Variants in BANK1 observed in about 807,000 individuals in gnomAD.
The protein encoded by BANK1 is B cell scaffold protein with ankyrin repeats 1.
BANK1 carries 95 observed loss-of-function variants against 94.5 expected under a neutral mutation model. The ratio of observed to expected loss-of-function variants is 1.00; its 90% CI spans 0.85 to 1.19. The LOEUF is 1.19. Among genes scored for constraint, BANK1 ranks in the 50% most tolerant of loss-of-function variants. The pLI is 0.00. For synonymous variants in BANK1, 334 were observed against 308.4 expected, an observed-to-expected ratio of 1.08 and a Z score of -0.87; for missense variants, 987 against 932.2, an observed-to-expected ratio of 1.06 and a Z score of -0.77.
chr4:102,040,385 ATTGTT>A (rs1050658928), intron 10 of BANK1, among the ~76,000 whole-genome samples: 3 of 151,994 alleles, frequency 2.0e-5, no homozygotes, highest in Non-Finnish European at 2.9e-5. Context: ...AACCGCAAAA[ATTGTT>A]TTGTTTTGTC....
At chr4:101,964,533 G>C (rs139740948) in intron 7 of BANK1, among the ~76,000 whole-genome samples, 2 of 151,782 alleles carry the variant, frequency 1.3e-5, no homozygotes, top group Non-Finnish European at 2.9e-5. Context: ...GGTACATAAT[G>C]TTACTTTATA....
chr4:101,901,570 T>G (rs1391582866), intron 6 of BANK1, among the ~76,000 whole-genome samples: 2 of 152,086 alleles, frequency 1.3e-5, no homozygotes, highest in African/African-American at 4.8e-5. Context: ...TAGGACAAAT[T>G]ATGAACAAGT....
intron 1 of BANK1, among the ~76,000 whole-genome samples, chr4:101,827,577 T>C (rs1027783156): frequency 2.6e-5 from 4 of 152,064 alleles, no homozygotes; most frequent in African/African-American, 9.6e-5. Context: ...CATAATGCCC[T>C]CAGCATTTGG....
intron 1 of BANK1, among the ~76,000 whole-genome samples, chr4:101,824,074 T>A (rs540266833): frequency 6.6e-6 from 1 of 152,348 alleles, no homozygotes; most frequent in South Asian, 2.1e-4. Flanking sequence ...TGGGACTCTC[T>A]GGTTACTGTG....
intron 1 of BANK1, among the ~76,000 whole-genome samples, chr4:101,805,215 T>C (rs1370432224): frequency 6.6e-6 from 1 of 152,122 alleles, no homozygotes; most frequent in Non-Finnish European, 1.5e-5. Flanking sequence ...CTGTTAAGAG[T>C]CATCTAAGCA....
chr4:102,025,563 G>A, intron 9 of BANK1, 54 bp downstream of exon 9: 1 of 1,531,896 alleles, frequency 6.5e-7, no homozygotes, highest in Non-Finnish European at 8.9e-7. Context: ...TCTTTGACAG[G>A]CTTACATAGC....
intron 11 of BANK1, among the ~76,000 whole-genome samples, chr4:102,049,030 T>C (rs3113677): frequency 0.94 from 143,113 of 152,186 alleles, 67,451 homozygotes; most frequent in African/African-American, 0.99. Flanking sequence ...AAATTTCTAG[T>C]CAGAAAACTG....
At position 101,866,673 on chromosome 4, in the gene BANK1, C is replaced by CA. The variant is rs1359555323; in HGVS notation, c.764-3832_764-3831insA. ...AGCCATCCCATTACTGGGTATATAC[C>CA]CAAAGGACTATAAATCATGCTGCTA... On this transcript the variant is annotated intron_variant, in intron 4 of 16. Transcript: ENST00000322953. 2.8e-4 allele frequency among the ~76,000 whole-genome samples: 14 copies of CA among 49,448 alleles called. 4 individuals are homozygous for CA. Among genetic ancestry groups the CA allele is most frequent in the African/African-American group, 7.2e-4 (5 of 6,986 alleles). The allele number at this position is 49,448 out of a possible 152,430, so 32.4% of individuals were successfully genotyped here.
intron 1 of BANK1, among the ~76,000 whole-genome samples, chr4:101,828,177 C>G (rs1287717894): frequency 6.6e-6 from 1 of 151,268 alleles, no homozygotes. Context: ...TGAAATGTAC[C>G]TATCTTTAAT....
At chr4:101,930,169 A>G (rs548687988) in intron 7 of BANK1, among the ~76,000 whole-genome samples, 1 of 151,342 alleles carries the variant, frequency 6.6e-6, no homozygotes, top group Non-Finnish European at 1.5e-5. Flanking sequence ...ATTTTATGAG[A>G]GTGTGTGTTC....
chr4:102,051,938 G>A (rs1009530436), intron 11 of BANK1, among the ~76,000 whole-genome samples: 22 of 152,154 alleles, frequency 1.4e-4, no homozygotes, highest in Middle Eastern at 3.4e-3. Context: ...CGCCTCTATC[G>A]TGGCAGCTGC....
intron 11 of BANK1, among the ~76,000 whole-genome samples, chr4:102,051,870 G>GAAGT (rs955575835): frequency 7.9e-5 from 12 of 152,170 alleles, no homozygotes; most frequent in African/African-American, 2.7e-4. Flanking sequence ...GGAAGGTCAA[G>GAAGT]AAGTCTGTTA....
chr4:101,983,386 C>T (rs767951959), intron 7 of BANK1, among the ~76,000 whole-genome samples: 6 of 152,004 alleles, frequency 3.9e-5, no homozygotes, highest in East Asian at 1.9e-4. Context: ...GTCTTTACCA[C>T]GTAGTAGCTG....
Position 102,010,391 on chromosome 4 carries a change from CT to C in BANK1, c.1207-11105del, listed in dbSNP as rs1209533993. Among the ~76,000 whole-genome samples the C allele has an allele frequency of 4.4e-3, 576 of 130,430 alleles. 5 individuals are homozygous for C. In the East Asian group the frequency reaches 0.052, roughly 12 times the overall value. The allele number at this position is 130,430 out of a possible 152,430, so 85.6% of individuals were successfully genotyped here. A position where few individuals can be genotyped will look rare whatever the true frequency, so the allele number is the denominator to read the frequency against. On this transcript the variant is annotated intron_variant, in intron 7 of 16. Transcript: ENST00000322953. The stretch of plus-strand genomic sequence containing the variant: ...GACATTGCTTTAGTTTGATTAATTT[CT>C]TTTTTTTTTTTTTTTTTGGGACGGA...
chr4:102,025,416 C>G lies in BANK1; in HGVS notation c.1501C>G (p.Gln501Glu). ...IPGADPENNS[Q>E]EPLMSSRPPL... ...TGGTGCTGATCCAGAAAATAATTCA[C>G]AAGAGCCACTCATGAGCAGCAGACC... Residue 501 changes from glutamine (Q) to glutamate (E), a missense_variant, in exon 9 of 17, where the codon CAA becomes GAA. Gln to Glu is a conservative substitution (Grantham distance 29). Transcript: ENST00000322953. The G allele has an allele frequency of 6.2e-7, 1 of 1,614,080 alleles. No homozygotes were observed. The highest frequency in any genetic ancestry group is 8.5e-7 in the Non-Finnish European group (1 of 1,180,020).
At chr4:101,998,577 G>A (rs904670145) in intron 7 of BANK1, among the ~76,000 whole-genome samples, 2 of 152,132 alleles carry the variant, frequency 1.3e-5, no homozygotes, top group African/African-American at 2.4e-5. Context: ...CTAAGAACTT[G>A]TTTTATGAAT....
chr4:101,876,090 C>T (rs1360613673), intron 5 of BANK1, among the ~76,000 whole-genome samples: 2 of 152,138 alleles, frequency 1.3e-5, no homozygotes, highest in Non-Finnish European at 2.9e-5. Flanking sequence ...GGACACTGGT[C>T]AGAATAGGGA....
chr4:101,897,534 C>G (rs1722128947), intron 6 of BANK1, among the ~76,000 whole-genome samples: 1 of 151,948 alleles, frequency 6.6e-6, no homozygotes, highest in Admixed American at 6.6e-5. Flanking sequence ...TCTGGTTCAG[C>G]AGGGCTGGGG....
intron 9 of BANK1, among the ~76,000 whole-genome samples, chr4:102,029,692 C>T (rs1208811185): frequency 6.6e-6 from 1 of 151,518 alleles, no homozygotes. Flanking sequence ...GTCTTAAGCA[C>T]ATGGATTTTT....
Sources: gnomAD v4.1 joint callset for allele counts (sites outside exome capture counted in the v4.1 genomes callset) on GRCh38, gnomAD v4.1.1 for gene constraint, MANE v1.5 for transcripts, NCBI Gene and HGNC (gene_info 2026-07-23, HGNC 2026-07-21) for gene names.